Variants in NEDD1 observed in about 807,000 individuals in gnomAD.
The protein encoded by NEDD1 is NEDD1 gamma-tubulin ring complex targeting factor.
NEDD1 carries 33 observed loss-of-function variants against 74.0 expected under a neutral mutation model. The ratio of observed to expected loss-of-function variants is 0.45; its 90% CI spans 0.34 to 0.60. The LOEUF (loss-of-function observed/expected upper bound fraction) is 0.60, where lower values mean the gene tolerates loss of function less well. NEDD1 is among the 20% of genes least tolerant of loss of function. NEDD1 has a pLI of 0.01. For missense variants in NEDD1, 746 were observed against 776.5 expected (o/e 0.96, Z 0.47); for synonymous variants, 250 against 264.4 (o/e 0.95, Z 0.53).
intron 3 of NEDD1, among the ~76,000 whole-genome samples, chr12:96,910,117 A>G (rs1354892006): frequency 6.6e-6 from 1 of 152,212 alleles, no homozygotes; most frequent in Non-Finnish European, 1.5e-5. Flanking sequence ...TTTAGTTACA[A>G]CCCACTTCAT....
At chr12:96,942,727 C>T in intron 11 of NEDD1, 103 bp downstream of exon 11, 5 of 674,694 alleles carry the variant, frequency 7.4e-6, no homozygotes, top group Non-Finnish European at 1.3e-5. Context: ...AAAAAATAAA[C>T]ATTTATCGTC....
intron 3 of NEDD1, among the ~76,000 whole-genome samples, chr12:96,910,623 A>G (rs933893060): frequency 6.6e-6 from 1 of 152,158 alleles, no homozygotes; most frequent in African/African-American, 2.4e-5. Flanking sequence ...CCTTTCCTGT[A>G]TGTTGTACCA....
chr12:96,923,177 T>C (rs566124920), intron 6 of NEDD1, among the ~76,000 whole-genome samples: 17 of 152,320 alleles, frequency 1.1e-4, no homozygotes, highest in African/African-American at 2.6e-4. Flanking sequence ...TCATTACATT[T>C]GCTTTGTTGC....
In NEDD1 at chr12:96,907,283, T is replaced by C. The variant is rs1015227010; in HGVS notation, c.-279T>C. Reference sequence around the variant, plus strand: ...GCGCGGAGCCGGCCGCGGCCCCCTGTTGTGTTGCTGCGGAGAGGTGAGGTT... The same window carrying C: ...GCGCGGAGCCGGCCGCGGCCCCCTGCTGTGTTGCTGCGGAGAGGTGAGGTT... On this transcript the variant is annotated 5_prime_UTR_variant, in exon 1 of 16. Coordinates refer to ENST00000266742, the MANE Select transcript of NEDD1 (RefSeq NM_152905.4). 4 of 248,842 alleles carry C rather than the reference T, an allele frequency of 1.6e-5. No homozygotes were observed. Among genetic ancestry groups the C allele is most frequent in the Non-Finnish European group, 3.0e-5 (4 of 131,718 alleles). 15.4% of individuals were successfully genotyped at this position (248,842 alleles called of 1,614,324 possible). A position where few individuals can be genotyped will look rare whatever the true frequency, so the allele number is the denominator to read the frequency against.
At chr12:96,943,877 T>A (rs961437522) in intron 12 of NEDD1, 115 bp downstream of exon 12, 3 of 629,810 alleles carry the variant, frequency 4.8e-6, no homozygotes, top group African/African-American at 1.8e-5. Flanking sequence ...TTCATAAGTC[T>A]TGATGTCAGA....
At chr12:96,912,875 A>G (rs950921687) in intron 4 of NEDD1, 58 bp downstream of exon 4, 8 of 833,088 alleles carry the variant, frequency 9.6e-6, no homozygotes, top group Non-Finnish European at 1.6e-5. Context: ...TTGACTGGCA[A>G]TTGCTTATTG....
At chr12:96,947,496 C>CAA (rs1878310496) in intron 14 of NEDD1, among the ~76,000 whole-genome samples, 1 of 152,180 alleles carries the variant, frequency 6.6e-6, no homozygotes, top group Non-Finnish European at 1.5e-5. Flanking sequence ...AAGGTCTTAA[C>CAA]ACACAGGTAA....
chr12:96,952,062 T>C lies in NEDD1; in HGVS notation c.*9T>C, dbSNP rs755588470. On this transcript the variant is annotated 3_prime_UTR_variant, in exon 16 of 16. Transcript: ENST00000266742. ...TACGGGCCCACTTTTGAAATTTCAG[T>C]GAATACCTTAATGTTCTGTAATTTG... is the stretch of plus-strand genomic sequence containing the variant. 7.1e-7 allele frequency: 1 copy of C among 1,409,240 alleles called. No homozygotes were observed. Among genetic ancestry groups the C allele is most frequent in the Non-Finnish European group, 1.0e-6 (1 of 996,106 alleles). The allele number at this position is 1,409,240 out of a possible 1,614,324, so 87.3% of individuals were successfully genotyped here.
At chr12:96,926,397 AT>A (rs1565795207) in intron 6 of NEDD1, among the ~76,000 whole-genome samples, 7 of 152,130 alleles carry the variant, frequency 4.6e-5, no homozygotes, top group Non-Finnish European at 1.0e-4. Context: ...TCAATAAGTT[AT>A]ACCATTAAAA....
intron 15 of NEDD1, 28 bp downstream of exon 15, chr12:96,951,526 T>C (rs990682784): frequency 3.4e-6 from 4 of 1,164,528 alleles, no homozygotes; most frequent in South Asian, 1.3e-5. Context: ...TATTTTAATA[T>C]TTTAAATGAA....
chr12:96,941,399 C>T (rs1294733058), intron 10 of NEDD1, among the ~76,000 whole-genome samples: 2 of 151,988 alleles, frequency 1.3e-5, no homozygotes, highest in Non-Finnish European at 2.9e-5. Context: ...CGTGGTGGTA[C>T]AGAATTATTG....
At chr12:96,911,937 C>T (rs905847697) in intron 3 of NEDD1, among the ~76,000 whole-genome samples, 2 of 152,102 alleles carry the variant, frequency 1.3e-5, no homozygotes, top group Non-Finnish European at 2.9e-5. Context: ...ATTTTAATTG[C>T]TAAAAAGCAC....
At chr12:96,936,490 G>A in intron 7 of NEDD1, 121 bp from the exon 8 acceptor site, 5 of 642,618 alleles carry the variant, frequency 7.8e-6, no homozygotes, top group South Asian at 7.7e-5. Context: ...TTTGGGATAT[G>A]TGTGCTCTTT....
chr12:96,930,007 A>G (rs999488451), intron 6 of NEDD1, among the ~76,000 whole-genome samples: 2 of 152,020 alleles, frequency 1.3e-5, no homozygotes, highest in African/African-American at 4.8e-5. Context: ...CTGCACAGAC[A>G]CCAGTACCAT....
rs748114416 is a variant in NEDD1, at chr12:96,945,669, T to C, written c.1655-24T>C. On this transcript the variant is annotated intron_variant, in intron 13 of 15. Transcript: ENST00000266742. Reference sequence around the variant, plus strand: ...TCTCTCAGTCCAAGTTGACTATTAATATTTTCTTCATTCTTTATTTTAGAT... The same window carrying C: ...TCTCTCAGTCCAAGTTGACTATTAACATTTTCTTCATTCTTTATTTTAGAT... 8.1e-6 allele frequency: 12 copies of C among 1,479,330 alleles called. No homozygotes were observed. The East Asian group carries it at 2.5e-4, about 31-fold the overall frequency. 91.6% of individuals were successfully genotyped at this position (1,479,330 alleles called of 1,614,324 possible). A position where few individuals can be genotyped will look rare whatever the true frequency, so the allele number is the denominator to read the frequency against.
At chr12:96,912,302 T>C (rs1312981693) in intron 3 of NEDD1, among the ~76,000 whole-genome samples, 1 of 152,050 alleles carries the variant, frequency 6.6e-6, no homozygotes, top group Non-Finnish European at 1.5e-5. Context: ...AGTGTGGATG[T>C]TTGCTTCCTA....
At chr12:96,915,680 C>CA (rs1158156762) in intron 4 of NEDD1, among the ~76,000 whole-genome samples, 1 of 152,164 alleles carries the variant, frequency 6.6e-6, no homozygotes, top group African/African-American at 2.4e-5. Flanking sequence ...AAAAATGCAA[C>CA]ACTGTTCTGT....
intron 14 of NEDD1, among the ~76,000 whole-genome samples, chr12:96,949,177 G>A (rs1309188697): frequency 6.6e-6 from 1 of 152,178 alleles, no homozygotes. Context: ...AAAAACAGAG[G>A]TAAATGAAGA....
intron 11 of NEDD1, 62 bp from the exon 12 acceptor site, chr12:96,943,498 C>A: frequency 9.0e-7 from 1 of 1,111,684 alleles, no homozygotes. Context: ...ATGTTAAATG[C>A]TTTTCTTCAA....
Sources: gnomAD v4.1 joint callset for allele counts (sites outside exome capture counted in the v4.1 genomes callset) on GRCh38, gnomAD v4.1.1 for gene constraint, MANE v1.5 for transcripts, NCBI Gene and HGNC (gene_info 2026-07-23, HGNC 2026-07-21) for gene names.